Variants in PGAP6 observed in about 807,000 individuals in gnomAD.
The protein encoded by PGAP6 is post-GPI attachment to proteins factor 6.
In PGAP6, 62 loss-of-function variants were observed where a neutral mutation model predicts 68.4. That is an observed-to-expected ratio of 0.91 (90% CI 0.74 to 1.12). PGAP6 has a LOEUF of 1.12. Ranked by LOEUF, PGAP6 falls within the 50% of genes most tolerant of loss-of-function variation. PGAP6 has a pLI of 0.00. For missense variants in PGAP6, 1,188 were observed against 1,068.5 expected (o/e 1.11, Z -1.56); for synonymous variants, 575 against 474.0 (o/e 1.21, Z -2.77).
chr16:374,949 C>T (rs2054368099), intron 8 of PGAP6, 57 bp from the exon 9 acceptor site: 1 of 1,607,580 alleles, frequency 6.2e-7, no homozygotes, highest in Admixed American at 1.7e-5. Context: ...CCAGCTGCCA[C>T]CAGCGCTCCC....
chr16:377,325 A>G, intron 3 of PGAP6, 53 bp downstream of exon 3: 2 of 1,548,594 alleles, frequency 1.3e-6, no homozygotes. Context: ...CGGCAGGGAC[A>G]GGCCATCGCC....
At chr16:377,214 T>C (rs367835407) in intron 3 of PGAP6, 50 bp from the exon 4 acceptor site, 20 of 1,610,628 alleles carry the variant, frequency 1.2e-5, no homozygotes, top group South Asian at 4.4e-5. Context: ...AATGCAGGTG[T>C]GAGGGCATGG....
intron 11 of PGAP6, 68 bp downstream of exon 11, chr16:373,937 C>T: frequency 6.6e-7 from 1 of 1,505,558 alleles, no homozygotes; most frequent in Non-Finnish European, 8.9e-7. Context: ...CACGGTACTG[C>T]CTTTCGCAGG....
chr16:381,752 G>T lies in PGAP6; in HGVS notation c.70C>A (p.Leu24Met), dbSNP rs1376698682. Residue 24 changes from leucine (L) to methionine (M), a missense_variant, in exon 1 of 13, where the codon CTG (leucine) becomes ATG (methionine). Physicochemically the swap from Leu to Met is conservative, Grantham distance 15 (BLOSUM62 2). Transcript: ENST00000431232. ...GCAGGCGGGGGCCGGGCAAGCAGCA[G>T]CAGCAGCAGCGGCCCCGCCACCACC... ...AAVVAGPLLL[L>M]LLARPPPASA... 4 of 1,209,798 alleles carry T rather than the reference G, an allele frequency of 3.3e-6. No individual in the cohort carries two copies. The African/African-American group carries it at 4.8e-5, about 14-fold the overall frequency. The allele number at this position is 1,209,798 out of a possible 1,614,324, so 74.9% of individuals were successfully genotyped here.
Position 374,098 on chromosome 16 carries a change from G to A in PGAP6, c.1809C>T (p.Tyr603=), listed in dbSNP as rs556283091. 2.0e-5 allele frequency: 33 copies of A among 1,611,858 alleles called. No homozygotes were observed. Among genetic ancestry groups the A allele is most frequent in the Middle Eastern group, 1.6e-4 (1 of 6,062 alleles). The change falls in exon 11 of 13, where the codon TAC becomes TAT. Residue 603 remains tyrosine, a synonymous_variant. Transcript: ENST00000431232. ...PGEAVLCILS[Y]DTLQYCDFLG... is the part of the protein sequence containing the mutation. ...AGAAGTCGCAGTACTGCAGCGTGTCGTAGCTGAGGATGCACAGCACCGCCT... is the reference window on the plus strand; with the variant it reads ...AGAAGTCGCAGTACTGCAGCGTGTCATAGCTGAGGATGCACAGCACCGCCT...
chr16:382,712 GCA>G (rs1159312722), upstream of PGAP6, among the ~76,000 whole-genome samples: 4 of 146,934 alleles, frequency 2.7e-5, no homozygotes, highest in Non-Finnish European at 4.5e-5. Flanking sequence ...TCCAAGCGTG[GCA>G]CAGAGTCCAG....
rs759100506 is a variant in PGAP6, at chr16:374,332, T to C, written c.1644A>G (p.Thr548=). The C allele has an allele frequency of 3.1e-6, 5 of 1,604,112 alleles. No homozygotes were observed. Among genetic ancestry groups the C allele is most frequent in the African/African-American group, 1.3e-5 (1 of 74,864 alleles). ...TGAGGTTGCTGAGCGTGAGCAGCAG[T>C]GTGGCCGCCCTCTGCTGGGCCACCG... ...AQTVAQQRAA[T]LLLTLSNLMF... Residue 548 remains threonine (T), a synonymous_variant, in exon 10 of 13, where the codon ACA becomes ACG. Coordinates refer to ENST00000431232, the MANE Select transcript of PGAP6 (RefSeq NM_021259.3).
Position 376,451 on chromosome 16 carries a change from G to A in PGAP6, c.909C>T (p.Cys303=), listed in dbSNP as rs1281432734. The change falls in exon 6 of 13, where the codon TGC becomes TGT. Residue 303 remains cysteine (C), a synonymous_variant. Coordinates refer to ENST00000431232, the MANE Select transcript of PGAP6 (RefSeq NM_021259.3). ...AFSAVAALTA[C]RPRSVTIQPL... is the part of the protein sequence containing the mutation. ...GCTGGATGGTCACGCTCCGTGGCCTGCAAGCTGCCGAGAGGACAAGGGGTT... is the reference window on the plus strand; with the variant it reads ...GCTGGATGGTCACGCTCCGTGGCCTACAAGCTGCCGAGAGGACAAGGGGTT... 6.4e-7 allele frequency: 1 copy of A among 1,560,262 alleles called. No homozygotes were observed. The highest frequency in any genetic ancestry group is 1.2e-5 in the South Asian group (1 of 82,784).
intron 10 of PGAP6, 32 bp downstream of exon 10, chr16:374,188 CA>C: frequency 6.2e-7 from 1 of 1,610,580 alleles, no homozygotes; most frequent in African/African-American, 1.3e-5. Context: ...CCTGCCCTCC[CA>C]CCCCACATCC....
chr16:374,690 G>A lies in PGAP6; in HGVS notation c.1576+66C>T, dbSNP rs1483265781. The A allele has an allele frequency of 1.8e-5, 29 of 1,592,246 alleles. No homozygotes were observed. The East Asian group carries it at 4.9e-4, about 27-fold the overall frequency. ...CCTTGCGGCGCTCCCCCAGGGGAAA[G>A]GCACAGCACAGCACTGGAAGCCAAC... is the stretch of plus-strand genomic sequence containing the variant. On this transcript the variant is annotated intron_variant, in intron 9 of 12. Coordinates refer to ENST00000431232, the MANE Select transcript of PGAP6 (RefSeq NM_021259.3).
In PGAP6 at chr16:376,200, C is replaced by G; in HGVS notation, c.1160G>C (p.Arg387Pro). The change falls in exon 6 of 13, where the codon CGG (arginine) becomes CCG (proline). Residue 387 changes from arginine (R) to proline (P), a missense_variant. Coordinates refer to ENST00000431232, the MANE Select transcript of PGAP6 (RefSeq NM_021259.3). ...GTCCATGCCGGTGTTCAGGCGCAGC[C>G]GCATCACGGAGGGCGTGTCCGAACA... is the stretch of plus-strand genomic sequence containing the variant. Reference protein sequence around the residue: ...RVCSDTPSVMRLRLNTGMDSG... With the variant: ...RVCSDTPSVMPLRLNTGMDSG... 2 of 1,612,590 alleles carry G rather than the reference C, an allele frequency of 1.2e-6. No homozygotes were observed. Among genetic ancestry groups the G allele is most frequent in the African/African-American group, 2.7e-5 (2 of 75,068 alleles).
Position 375,167 on chromosome 16 carries a change from G to C in PGAP6, c.1405C>G (p.Leu469Val), listed in dbSNP as rs1371162203. Residue 469 changes from leucine to valine, a missense_variant, in exon 8 of 13, where the codon CTC (leucine) becomes GTC (valine). By Grantham distance (32) the Leu-to-Val change is conservative. Transcript: ENST00000431232. ...IPYPETDNWY[L>V]SLQLMCPENA... is the part of the protein sequence containing the mutation. ...TCAGGGCACATGAGCTGCAGGGAGA[G>C]GTACCAGTTGTCTGTCTCTGGGTAG... 3.1e-6 allele frequency: 5 copies of C among 1,613,384 alleles called. No homozygotes were observed. The highest frequency in any genetic ancestry group is 1.6e-4 in the Middle Eastern group (1 of 6,084).
intron 12 of PGAP6, 82 bp from the exon 13 acceptor site, chr16:372,365 G>A: frequency 2.1e-6 from 3 of 1,457,478 alleles, no homozygotes; most frequent in Non-Finnish European, 1.9e-6. Context: ...TGGTTACTGG[G>A]GGCCTGCCCA....
Position 375,251 on chromosome 16 carries a change from A to G in PGAP6, c.1321T>C (p.Phe441Leu), listed in dbSNP as rs147139972. 181 of 1,612,904 alleles carry G rather than the reference A, an allele frequency of 1.1e-4. No individual in the cohort carries two copies. The highest frequency in any genetic ancestry group is 1.4e-4 in the Non-Finnish European group (169 of 1,179,952). The change falls in exon 8 of 13, where the codon TTC becomes CTC. Residue 441 changes from phenylalanine (F) to leucine (L), a missense_variant. Coordinates refer to ENST00000431232, the MANE Select transcript of PGAP6 (RefSeq NM_021259.3). ...CTCAGAGACAAAGGGTAGCCCTGGA[A>G]GAAGGCTGCAGGGGAGCCAGAGGGC... ...NTSLNCTTAFFQGYPLSLSAW... is the reference protein window; with the variant it reads ...NTSLNCTTAFLQGYPLSLSAW...
upstream of PGAP6, chr16:382,190 G>T: frequency 5.1e-6 from 2 of 391,810 alleles, no homozygotes; most frequent in Non-Finnish European, 9.0e-6. Flanking sequence ...GATCGCGGGG[G>T]TCCCAGGACG....
chr16:377,650 G>A, intron 2 of PGAP6, 21 bp downstream of exon 2: 1 of 1,572,348 alleles, frequency 6.4e-7, no homozygotes, highest in Non-Finnish European at 8.6e-7. Context: ...AGGGTGGGCA[G>A]GCGGGCGGGC....
intron 1 of PGAP6, among the ~76,000 whole-genome samples, chr16:378,874 CA>C (rs1370190673): frequency 1.3e-5 from 2 of 152,256 alleles, no homozygotes; most frequent in South Asian, 4.1e-4. Flanking sequence ...TAACTGTCCT[CA>C]GGGAACGCAC....
chr16:376,079 G>T (rs1426412017), intron 6 of PGAP6, 57 bp downstream of exon 6: 5 of 1,510,584 alleles, frequency 3.3e-6, no homozygotes, highest in Non-Finnish European at 4.5e-6. Flanking sequence ...GCGCTGCAGG[G>T]GTTGCCCGGC....
upstream of PGAP6, among the ~76,000 whole-genome samples, chr16:385,460 C>T (rs58367941): frequency 0.22 from 28,653 of 133,010 alleles, 4,021 homozygotes; most frequent in African/African-American, 0.4. Context: ...TACAGGCGCC[C>T]GCTACCATTC....
Sources: gnomAD v4.1 joint callset for allele counts (sites outside exome capture counted in the v4.1 genomes callset) on GRCh38, gnomAD v4.1.1 for gene constraint, MANE v1.5 for transcripts, NCBI Gene and HGNC (gene_info 2026-07-23, HGNC 2026-07-21) for gene names.